The following PRKG1 variants were observed in gnomAD, a reference collection of about 807,000 sequenced individuals.
PRKG1 encodes cGMP-dependent protein kinase 1.
Under a neutral mutation model 88.1 loss-of-function variants are expected in PRKG1, and 35 were observed. The ratio of observed to expected loss-of-function variants is 0.40; its 90% CI spans 0.30 to 0.53. The LOEUF (loss-of-function observed/expected upper bound fraction) is 0.53, where lower values mean the gene tolerates loss of function less well. Ranked by LOEUF, PRKG1 falls within the 20% of genes least tolerant of loss-of-function variation. The pLI, the probability that PRKG1 is intolerant of heterozygous loss-of-function variation, is 0.59. For synonymous variants in PRKG1, 303 were observed against 292.5 expected (o/e 1.04, Z -0.37); for missense variants, 540 against 839.8 (o/e 0.64, Z 4.41).
At chr10:51,868,733 G>C (rs1278110942) in intron 4 of PRKG1, among the ~76,000 whole-genome samples, 3 of 152,028 alleles carry the variant, frequency 2.0e-5, no homozygotes, top group Non-Finnish European at 4.4e-5. Context: ...ACATGTACTA[G>C]CTACCTGCAT....
intron 2 of PRKG1, among the ~76,000 whole-genome samples, chr10:51,242,500 T>A (rs1018257342): frequency 6.6e-6 from 1 of 152,140 alleles, no homozygotes; most frequent in Non-Finnish European, 1.5e-5. Context: ...AGCAAACAGT[T>A]ATTGTGCATC....
rs1408840307 is a variant in PRKG1, at chr10:51,382,648, G to C, written c.479-85075G>C. 5.3e-5 allele frequency among the ~76,000 whole-genome samples: 8 copies of C among 152,176 alleles called. No homozygotes were observed. The South Asian group carries it at 1.0e-3, about 20-fold the overall frequency. ...TCAGTTAAGATGCTTTAGGTAGAAA[G>C]TGTCAAAGTGCCTATTTAAAGTGCC... On this transcript the variant is annotated intron_variant, in intron 2 of 17. Coordinates refer to ENST00000373980, the MANE Select transcript of PRKG1 (RefSeq NM_006258.4).
At chr10:51,983,612 A>C (rs1844072568) in intron 5 of PRKG1, among the ~76,000 whole-genome samples, 1 of 152,154 alleles carries the variant, frequency 6.6e-6, no homozygotes, top group African/African-American at 2.4e-5. Flanking sequence ...CTATAGGAAC[A>C]AGTTGAGCCT....
chr10:51,448,427 C>T (rs1483208978), intron 2 of PRKG1, among the ~76,000 whole-genome samples: 1 of 151,984 alleles, frequency 6.6e-6, no homozygotes, highest in Non-Finnish European at 1.5e-5. Flanking sequence ...GCTTTTAATT[C>T]ATTCTGACAC....
chr10:52,234,480 G>A (rs1220349023), intron 9 of PRKG1, among the ~76,000 whole-genome samples: 3 of 151,702 alleles, frequency 2.0e-5, no homozygotes, highest in Admixed American at 2.0e-4. Flanking sequence ...AGGAGCTGAT[G>A]GAGCTGAAAA....
At chr10:51,718,454 T>C (rs1841937088) in intron 3 of PRKG1, among the ~76,000 whole-genome samples, 1 of 152,132 alleles carries the variant, frequency 6.6e-6, no homozygotes, top group Non-Finnish European at 1.5e-5. Context: ...GTGCATTAGA[T>C]AGGCTTTGTC....
At chr10:51,715,402 C>G (rs1383742638) in intron 3 of PRKG1, among the ~76,000 whole-genome samples, 1 of 152,096 alleles carries the variant, frequency 6.6e-6, no homozygotes, top group African/African-American at 2.4e-5. Flanking sequence ...AAATAAAACT[C>G]TGGACAGAGA....
intron 3 of PRKG1, among the ~76,000 whole-genome samples, chr10:51,636,131 A>G (rs1839649919): frequency 6.6e-6 from 1 of 152,132 alleles, no homozygotes; most frequent in African/African-American, 2.4e-5. Flanking sequence ...AAGCTGCTTT[A>G]AGTTTTTTTT....
chr10:51,649,590 C>A (rs1839991121), intron 3 of PRKG1, among the ~76,000 whole-genome samples: 1 of 152,144 alleles, frequency 6.6e-6, no homozygotes, highest in Non-Finnish European at 1.5e-5. Context: ...GTCGTGACTG[C>A]AAGTTGCCCA....
At chr10:51,847,448 T>A (rs916946256) in intron 4 of PRKG1, among the ~76,000 whole-genome samples, 4 of 152,220 alleles carry the variant, frequency 2.6e-5, no homozygotes, top group Admixed American at 6.5e-5. Flanking sequence ...AACCTTTTTT[T>A]ATATCTAAAT....
At chr10:51,741,851 G>T (rs1837442751) in intron 3 of PRKG1, among the ~76,000 whole-genome samples, 1 of 152,128 alleles carries the variant, frequency 6.6e-6, no homozygotes, top group Non-Finnish European at 1.5e-5. Context: ...TTTTAAATTG[G>T]TATTTGGAAC....
Position 51,452,437 on chromosome 10 carries a change from T to C in PRKG1, c.479-15286T>C, listed in dbSNP as rs1428337769. On this transcript the variant is annotated intron_variant, in intron 2 of 17. Transcript: ENST00000373980. ...GTGTTGGCTGTGCGTTTGTCATAGATGGCTTTTATTACCTTGAGGTATGTC... is the reference window on the plus strand; with the variant it reads ...GTGTTGGCTGTGCGTTTGTCATAGACGGCTTTTATTACCTTGAGGTATGTC... Among the ~76,000 whole-genome samples, 4 of 151,992 alleles carry C rather than the reference T, an allele frequency of 2.6e-5. No homozygotes were observed. The East Asian group carries it at 7.7e-4, about 29-fold the overall frequency.
intron 2 of PRKG1, among the ~76,000 whole-genome samples, chr10:51,237,365 CG>C (rs1175745592): frequency 1.3e-5 from 2 of 152,152 alleles, no homozygotes; most frequent in African/African-American, 4.8e-5. Flanking sequence ...ACACATGCTC[CG>C]GGAACACACA....
chr10:52,124,816 T>A (rs943195771), intron 7 of PRKG1, among the ~76,000 whole-genome samples: 14 of 152,266 alleles, frequency 9.2e-5, no homozygotes, highest in Non-Finnish European at 1.6e-4. Context: ...TTTTCGAAGT[T>A]TTTTTGTTAA....
At chr10:52,156,931 G>C (rs1186282878) in intron 8 of PRKG1, among the ~76,000 whole-genome samples, 1 of 151,632 alleles carries the variant, frequency 6.6e-6, no homozygotes, top group Non-Finnish European at 1.5e-5. Flanking sequence ...GCGTAGCCAA[G>C]CATTCTGATA....
intron 5 of PRKG1, among the ~76,000 whole-genome samples, chr10:52,035,467 C>G (rs1330911036): frequency 6.6e-6 from 1 of 152,106 alleles, no homozygotes; most frequent in Non-Finnish European, 1.5e-5. Context: ...ATAGCATAAC[C>G]TGCCTTTGCT....
At chr10:51,546,098 A>G (rs1467147184) in intron 3 of PRKG1, among the ~76,000 whole-genome samples, 1 of 151,646 alleles carries the variant, frequency 6.6e-6, no homozygotes, top group Non-Finnish European at 1.5e-5. Flanking sequence ...TATATTTCAC[A>G]ATTGCTATTT....
At chr10:51,837,087 T>G (rs1053543989) in intron 4 of PRKG1, among the ~76,000 whole-genome samples, 2 of 152,318 alleles carry the variant, frequency 1.3e-5, no homozygotes, top group South Asian at 2.1e-4. Flanking sequence ...TTCTCACTCT[T>G]CTGCTATTGA....
At chr10:51,940,954 T>A (rs1296916602) in intron 5 of PRKG1, among the ~76,000 whole-genome samples, 10 of 151,914 alleles carry the variant, frequency 6.6e-5, no homozygotes. Context: ...GGGAACACAA[T>A]CAAAGCTAGA....
Sources: allele counts gnomAD v4.1 joint callset (sites outside exome capture counted in the v4.1 genomes callset), GRCh38; gene constraint gnomAD v4.1.1; transcripts MANE v1.5; gene names NCBI Gene and HGNC (gene_info 2026-07-23, HGNC 2026-07-21).